The following SNX16 variants were observed in gnomAD, a reference collection of about 807,000 sequenced individuals.
SNX16 encodes sorting nexin 16.
SNX16 carries 35 observed loss-of-function variants against 36.7 expected under a neutral mutation model. The ratio of observed to expected loss-of-function variants is 0.95; its 90% CI spans 0.73 to 1.27. SNX16 has a LOEUF of 1.27. SNX16 is among the 50% of genes most tolerant of loss of function. SNX16 has a pLI of 0.00. For synonymous variants in SNX16, 134 were observed against 132.0 expected (o/e 1.02, Z -0.10); for missense variants, 367 against 393.6 (o/e 0.93, Z 0.57).
intron 1 of SNX16, 135 bp from the exon 2 acceptor site, chr8:81,840,217 T>C: frequency 4.6e-6 from 2 of 433,518 alleles, no homozygotes; most frequent in Non-Finnish European, 7.9e-6. Context: ...CTTCTCCCAG[T>C]TGTCTTTAAG....
chr8:81,806,579 C>A (rs1453652955), intron 5 of SNX16, among the ~76,000 whole-genome samples: 1 of 152,076 alleles, frequency 6.6e-6, no homozygotes, highest in Non-Finnish European at 1.5e-5. Context: ...AACTCCATAT[C>A]CAACAGCAAA....
At chr8:81,830,503 G>A (rs547769344) in intron 2 of SNX16, among the ~76,000 whole-genome samples, 6 of 151,044 alleles carry the variant, frequency 4.0e-5, no homozygotes, top group African/African-American at 7.3e-5. Flanking sequence ...CCCAGGAGGC[G>A]GAGCTTGCAG....
intron 5 of SNX16, chr8:81,808,444 A>C: frequency 9.2e-7 from 1 of 1,091,216 alleles, no homozygotes. Context: ...TTCAGGGGTC[A>C]TGGTGGCTTT....
At chr8:81,823,410 G>C (rs1810865238) in intron 4 of SNX16, among the ~76,000 whole-genome samples, 1 of 151,494 alleles carries the variant, frequency 6.6e-6, no homozygotes, top group African/African-American at 2.4e-5. Flanking sequence ...CATTACTTTG[G>C]AGAAATATAA....
At chr8:81,837,599 A>G (rs1811548525) in intron 2 of SNX16, among the ~76,000 whole-genome samples, 1 of 152,144 alleles carries the variant, frequency 6.6e-6, no homozygotes. Context: ...AAAGGACAAA[A>G]AGCTCTCTGG....
At chr8:81,833,071 CT>C (rs1051243733) in intron 2 of SNX16, among the ~76,000 whole-genome samples, 2 of 151,192 alleles carry the variant, frequency 1.3e-5, no homozygotes, top group Admixed American at 6.6e-5. Flanking sequence ...ATGTAAACAG[CT>C]TTTATTAAAA....
At chr8:81,841,525 G>C (rs1218362438) in intron 1 of SNX16, among the ~76,000 whole-genome samples, 1 of 151,682 alleles carries the variant, frequency 6.6e-6, no homozygotes, top group Non-Finnish European at 1.5e-5. Context: ...CCTGGCCTTT[G>C]CCACTCTACT....
At chr8:81,817,426 TC>T (rs1315543232) in intron 4 of SNX16, among the ~76,000 whole-genome samples, 2 of 152,178 alleles carry the variant, frequency 1.3e-5, no homozygotes, top group Admixed American at 1.3e-4. Flanking sequence ...GAGTGGTTAT[TC>T]TGTTTCATTC....
rs1811403782 is a variant in SNX16 at position 81,834,422 on chromosome 8, C to T, written c.376-4906G>A. On this transcript the variant is annotated intron_variant, in intron 2 of 7. Transcript: ENST00000345957. ...TCCTCACATTTCAAAACTAATAGTG[C>T]CTTCCAGACAGTCCCCCAAAGACTT... 7.2e-5 allele frequency among the ~76,000 whole-genome samples: 11 copies of T among 152,196 alleles called. No homozygotes were observed. In the South Asian group the frequency reaches 2.3e-3, roughly 32 times the overall value.
At chr8:81,810,871 G>A (rs557587798) in intron 5 of SNX16, among the ~76,000 whole-genome samples, 2 of 152,164 alleles carry the variant, frequency 1.3e-5, no homozygotes, top group South Asian at 2.1e-4. Context: ...CCTAAATGCC[G>A]ATAGAGTGTA....
In SNX16 at chr8:81,809,849, G is replaced by A. The variant is rs1435243804; in HGVS notation, c.681+5476C>T. 2.0e-5 allele frequency among the ~76,000 whole-genome samples: 3 copies of A among 152,136 alleles called. No homozygotes were observed. The East Asian group carries it at 5.8e-4, about 29-fold the overall frequency. Reference sequence around the variant, plus strand: ...TAGGAAAGTACCTTTAAAACCTTGGGTTTCTTCCAAGATTAACATCCACCC... The same window carrying A: ...TAGGAAAGTACCTTTAAAACCTTGGATTTCTTCCAAGATTAACATCCACCC... On this transcript the variant is annotated intron_variant, in intron 5 of 7. Coordinates refer to ENST00000345957, the MANE Select transcript of SNX16 (RefSeq NM_152836.3).
chr8:81,829,422 G>A lies in SNX16; in HGVS notation c.462+8C>T. ...GAAATGTTAGTTTGGATTTATTATAGTACTTACTTTGTCATTAAGCCTAGA... is the reference window on the plus strand; with the variant it reads ...GAAATGTTAGTTTGGATTTATTATAATACTTACTTTGTCATTAAGCCTAGA... On this transcript the variant is annotated splice_region_variant and intron_variant, in intron 3 of 7. Coordinates refer to ENST00000345957, the MANE Select transcript of SNX16 (RefSeq NM_152836.3). 8.0e-7 allele frequency: 1 copy of A among 1,251,674 alleles called. No homozygotes were observed. Among genetic ancestry groups the A allele is most frequent in the Non-Finnish European group, 1.1e-6 (1 of 933,730 alleles). 77.5% of individuals were successfully genotyped at this position (1,251,674 alleles called of 1,614,324 possible). A position where few individuals can be genotyped will look rare whatever the true frequency, so the allele number is the denominator to read the frequency against.
chr8:81,823,668 G>T, intron 4 of SNX16, 124 bp downstream of exon 4: 1 of 747,496 alleles, frequency 1.3e-6, no homozygotes, highest in Non-Finnish European at 2.0e-6. Context: ...TGTTAAAGAA[G>T]ACAAGTAATT....
rs1010989267 is a variant in SNX16 at position 81,817,074 on chromosome 8, T to C, written c.612-1680A>G. On this transcript the variant is annotated intron_variant, in intron 4 of 7. Coordinates refer to ENST00000345957, the MANE Select transcript of SNX16 (RefSeq NM_152836.3). Reference sequence around the variant, plus strand: ...ATACAAATGACTCCTAGGAAATCAATTGATCTGGGATTGAGAGGTCAAGTT... The same window carrying C: ...ATACAAATGACTCCTAGGAAATCAACTGATCTGGGATTGAGAGGTCAAGTT... Among the ~76,000 whole-genome samples the C allele has an allele frequency of 5.9e-5, 9 of 152,310 alleles. No individual in the cohort carries two copies. The South Asian group carries it at 1.9e-3, about 32-fold the overall frequency.
In SNX16 at chr8:81,801,347, C is replaced by T. The variant is rs1809676867; in HGVS notation, c.*150G>A. ...GTGAATATATTTCCTATCTCAATAA[C>T]TTAAAAAAACTTCTTTATGTAAACT... On this transcript the variant is annotated 3_prime_UTR_variant, in exon 8 of 8. Coordinates refer to ENST00000345957, the MANE Select transcript of SNX16 (RefSeq NM_152836.3). 2.4e-6 allele frequency: 1 copy of T among 424,902 alleles called. No homozygotes were observed. The highest frequency in any genetic ancestry group is 4.1e-6 in the Non-Finnish European group (1 of 241,066). 26.3% of individuals were successfully genotyped at this position (424,902 alleles called of 1,614,324 possible).
At chr8:81,831,863 A>G (rs369446934) in intron 2 of SNX16, among the ~76,000 whole-genome samples, 1 of 152,182 alleles carries the variant, frequency 6.6e-6, no homozygotes, top group East Asian at 1.9e-4. Flanking sequence ...CAAAACCACA[A>G]TGAGATACCA....
At chr8:81,821,695 G>A (rs1586000898) in intron 4 of SNX16, among the ~76,000 whole-genome samples, 1 of 150,934 alleles carries the variant, frequency 6.6e-6, no homozygotes, top group East Asian at 2.0e-4. Context: ...TGTCACATTG[G>A]CTTCAATTTT....
At chr8:81,802,060 G>A (rs181594209) in intron 7 of SNX16, among the ~76,000 whole-genome samples, 20 of 151,718 alleles carry the variant, frequency 1.3e-4, no homozygotes, top group African/African-American at 4.3e-4. Flanking sequence ...GGGTGATATT[G>A]AGGGAGATTA....
At chr8:81,803,706 T>C (rs1809809624) in intron 5 of SNX16, among the ~76,000 whole-genome samples, 1 of 151,938 alleles carries the variant, frequency 6.6e-6, no homozygotes, top group Admixed American at 6.6e-5. Flanking sequence ...AGTACCAGGA[T>C]GGTACAAGAA....
Sources: allele counts gnomAD v4.1 joint callset (sites outside exome capture counted in the v4.1 genomes callset), GRCh38; gene constraint gnomAD v4.1.1; transcripts MANE v1.5; gene names NCBI Gene and HGNC (gene_info 2026-07-23, HGNC 2026-07-21).